The following LRBA variants were observed in gnomAD, a reference collection of about 807,000 sequenced individuals.
LRBA encodes the protein lipopolysaccharide-responsive and beige-like anchor protein.
A neutral mutation model predicts 330.0 loss-of-function variants in LRBA; 176 were observed. The observed-to-expected ratio is 0.53, with a 90% CI of 0.47 to 0.60. The LOEUF (loss-of-function observed/expected upper bound fraction) is 0.60. Among genes scored for constraint, LRBA ranks in the 20% least tolerant of loss-of-function variants. LRBA has a pLI of 0.00. For missense variants in LRBA, 3,259 were observed against 3,444.8 expected (o/e 0.95, Z 1.35); for synonymous variants, 1,230 against 1,193.0 (o/e 1.03, Z -0.64).
rs151173860 is a variant in LRBA, at chr4:150,927,444, A to G, written c.549+1072T>C. Among the ~76,000 whole-genome samples the G allele has an allele frequency of 4.1e-3, 631 of 152,174 alleles. 3 individuals carry two copies. Among genetic ancestry groups the G allele is most frequent in the African/African-American group, 0.015 (611 of 41,522 alleles). On this transcript the variant is annotated intron_variant, in intron 4 of 56. Transcript: ENST00000651943. ...AAATTTCAGTGGATGGAATTAACAC[A>G]CTGCTGAAGAAAAGATCAGTTAACT...
chr4:150,541,018 G>C (rs753712091), intron 40 of LRBA, among the ~76,000 whole-genome samples: 40 of 152,132 alleles, frequency 2.6e-4, no homozygotes, highest in Non-Finnish European at 5.0e-4. Flanking sequence ...TTACATATGA[G>C]TAACAGAAAA....
chr4:150,867,650 C>G, intron 22 of LRBA, 21 bp downstream of exon 22: 1 of 1,572,530 alleles, frequency 6.4e-7, no homozygotes, highest in Non-Finnish European at 8.6e-7. Flanking sequence ...TGCTACAATA[C>G]GCTTTCATAA....
At chr4:150,519,945 C>T (rs184541725) in intron 40 of LRBA, among the ~76,000 whole-genome samples, 428 of 152,276 alleles carry the variant, frequency 2.8e-3, no homozygotes, top group African/African-American at 9.6e-3. Flanking sequence ...TTGTGCTGAA[C>T]ATTTTTTCAG....
At position 150,366,583 on chromosome 4, in the gene LRBA, A is replaced by G. The variant is rs111737383; in HGVS notation, c.7195-16424T>C. On this transcript the variant is annotated intron_variant, in intron 47 of 56. Transcript: ENST00000651943. ...AGTGAGAGGAGGGAGCTAGGCCGAG[A>G]GATGCAGAGTTAATCAGGGAGCAAA... Among the ~76,000 whole-genome samples the G allele has an allele frequency of 9.7e-3, 1,481 of 152,282 alleles. 20 individuals are homozygous for G. Among genetic ancestry groups the G allele is most frequent in the African/African-American group, 0.034 (1,408 of 41,560 alleles).
At chr4:150,820,248 A>C (rs1745224253) in intron 30 of LRBA, among the ~76,000 whole-genome samples, 1 of 152,046 alleles carries the variant, frequency 6.6e-6, no homozygotes, top group South Asian at 2.1e-4. Flanking sequence ...ATGGAAATCT[A>C]GGTTTATCTA....
intron 24 of LRBA, among the ~76,000 whole-genome samples, chr4:150,850,280 G>C (rs1560912083): frequency 1.3e-5 from 2 of 151,930 alleles, no homozygotes; most frequent in Admixed American, 6.6e-5. Context: ...ATTTTTAGTA[G>C]AGACAGGGTT....
intron 40 of LRBA, among the ~76,000 whole-genome samples, chr4:150,493,244 A>G (rs935438082): frequency 2.6e-5 from 4 of 152,264 alleles, no homozygotes; most frequent in East Asian, 1.9e-4. Flanking sequence ...TCAGCCTCCC[A>G]AAGTGCTGGG....
rs191899647 is a variant in LRBA, at chr4:150,851,946, C to T, written c.3764G>A (p.Arg1255Lys). 1 of 1,614,018 alleles carries T rather than the reference C, an allele frequency of 6.2e-7. No homozygotes were observed. The highest frequency in any genetic ancestry group is 2.2e-5 in the East Asian group (1 of 44,880). ...DVSNVATDTE[R>K]LELKASPNVE... ...GTTGGGACTGGCCTTCAACTCCAGCCTCTCAGTATCTGTAGCAACATTGGA... is the reference window on the plus strand; with the variant it reads ...GTTGGGACTGGCCTTCAACTCCAGCTTCTCAGTATCTGTAGCAACATTGGA... Residue 1255 changes from arginine to lysine, a missense_variant, in exon 23 of 57, where the codon AGG becomes AAG. By Grantham distance (26) the Arg-to-Lys change is conservative. Coordinates refer to ENST00000651943, the MANE Select transcript of LRBA (RefSeq NM_001364905.1).
At chr4:150,903,618 C>T (rs1054382831) in intron 13 of LRBA, among the ~76,000 whole-genome samples, 1 of 151,944 alleles carries the variant, frequency 6.6e-6, no homozygotes, top group Non-Finnish European at 1.5e-5. Context: ...TACACAGCTA[C>T]AGTCCCAACT....
intron 33 of LRBA, 124 bp downstream of exon 33, chr4:150,806,147 T>C (rs113822233): frequency 9.6e-6 from 6 of 627,932 alleles, no homozygotes; most frequent in African/African-American, 5.7e-5. Flanking sequence ...AGATAGCCTA[T>C]GAGAAACCTT....
chr4:150,532,473 C>T (rs569628509), intron 40 of LRBA, among the ~76,000 whole-genome samples: 1 of 151,832 alleles, frequency 6.6e-6, no homozygotes, highest in Non-Finnish European at 1.5e-5. Context: ...TATAATAATA[C>T]AAGAGCCTTA....
chr4:150,373,172 T>TGAGAGAGA (rs902421554), intron 47 of LRBA, among the ~76,000 whole-genome samples: 10 of 97,508 alleles, frequency 1.0e-4, no homozygotes, highest in East Asian at 2.8e-4. Context: ...TGTGTGTGTG[T>TGAGAGAGA]GAGAGAGAGA....
intron 40 of LRBA, among the ~76,000 whole-genome samples, chr4:150,568,131 C>A (rs1769375299): frequency 6.6e-6 from 1 of 151,920 alleles, no homozygotes; most frequent in Admixed American, 6.6e-5. Context: ...CATAGTGAGA[C>A]CCCGTCTCTA....
rs75299940 is a variant in LRBA, at chr4:150,980,523, G to C, written c.216+33904C>G. On this transcript the variant is annotated intron_variant, in intron 2 of 56. Coordinates refer to ENST00000651943, the MANE Select transcript of LRBA (RefSeq NM_001364905.1). ...TAAAGAGTGGTGGCACTTGCCTGTG[G>C]TCCCAGCTGCCCAGGGGAGAGGGGG... 3.6e-4 allele frequency among the ~76,000 whole-genome samples: 55 copies of C among 152,260 alleles called. No individual in the cohort carries two copies. In the East Asian group the frequency reaches 0.011, roughly 29 times the overall value.
chr4:150,613,122 G>T (rs1433291039), intron 37 of LRBA, among the ~76,000 whole-genome samples: 1 of 151,992 alleles, frequency 6.6e-6, no homozygotes, highest in African/African-American at 2.4e-5. Context: ...AAACTAATAA[G>T]CTTATATTTC....
chr4:150,614,263 G>A (rs1009718611), intron 37 of LRBA, among the ~76,000 whole-genome samples: 8 of 152,314 alleles, frequency 5.3e-5, no homozygotes, highest in Non-Finnish European at 1.0e-4. Flanking sequence ...ATGTTAAGGA[G>A]CTTGGGTTTT....
intron 34 of LRBA, among the ~76,000 whole-genome samples, chr4:150,791,278 C>T (rs1739868800): frequency 6.6e-6 from 1 of 152,136 alleles, no homozygotes; most frequent in South Asian, 2.1e-4. Context: ...TCACAAGGTA[C>T]TCACTGTGGA....
intron 40 of LRBA, among the ~76,000 whole-genome samples, chr4:150,521,133 G>A (rs1024837380): frequency 5.9e-5 from 9 of 151,934 alleles, no homozygotes; most frequent in African/African-American, 1.9e-4. Context: ...AATCTGATTA[G>A]ATGTTTATCA....
At position 150,629,736 on chromosome 4, in the gene LRBA, G is replaced by A. The variant is rs1179620597; in HGVS notation, c.5922-30605C>T. On this transcript the variant is annotated intron_variant, in intron 37 of 56. Coordinates refer to ENST00000651943, the MANE Select transcript of LRBA (RefSeq NM_001364905.1). The stretch of plus-strand genomic sequence containing the variant: ...TGTAATCCCAGCACTTTGGGAGGCC[G>A]AGCTGCATGGATTGCCTGAAGTCAG... Among the ~76,000 whole-genome samples, 7 of 151,626 alleles carry A rather than the reference G, an allele frequency of 4.6e-5. No individual in the cohort carries two copies. In the East Asian group the frequency reaches 5.8e-4, roughly 13 times the overall value.
Sources: gnomAD v4.1 joint callset for allele counts (sites outside exome capture counted in the v4.1 genomes callset) on GRCh38, gnomAD v4.1.1 for gene constraint, MANE v1.5 for transcripts, NCBI Gene and HGNC (gene_info 2026-07-23, HGNC 2026-07-21) for gene names.